Variants in PDZD2 observed in about 807,000 individuals in gnomAD.
The protein encoded by PDZD2 is PDZ domain containing 2.
PDZD2 carries 90 observed loss-of-function variants against 220.7 expected under a neutral mutation model. The observed-to-expected ratio is 0.41, with a 90% CI of 0.34 to 0.49. The LOEUF (loss-of-function observed/expected upper bound fraction) is 0.49, where lower values mean the gene tolerates loss of function less well. PDZD2 is among the 20% of genes least tolerant of loss of function. PDZD2 has a pLI of 0.28. For synonymous variants in PDZD2, 1,375 were observed against 1,450.5 expected, an observed-to-expected ratio of 0.95 and a Z score of 1.18; for missense variants, 3,174 against 3,608.5, an observed-to-expected ratio of 0.88 and a Z score of 3.08.
At chr5:31,915,106 G>GT (rs1743566051) in intron 2 of PDZD2, among the ~76,000 whole-genome samples, 1 of 152,172 alleles carries the variant, frequency 6.6e-6, no homozygotes, top group Admixed American at 6.5e-5. Flanking sequence ...TCTAAACAGA[G>GT]TATGTTGGGT....
At chr5:31,921,689 CA>C (rs576934083) in intron 2 of PDZD2, among the ~76,000 whole-genome samples, 10 of 150,492 alleles carry the variant, frequency 6.6e-5, no homozygotes, top group Admixed American at 1.3e-4. Context: ...GACCCCATCT[CA>C]AAAAAAAAAT....
At chr5:32,003,331 C>CCCACCCCACACA (rs764711883) in intron 5 of PDZD2, among the ~76,000 whole-genome samples, 5 of 69,710 alleles carry the variant, frequency 7.2e-5, no homozygotes, top group Admixed American at 2.0e-4. Context: ...ACACACACCC[C>CCCACCCCACACA]CACCACACCA....
At chr5:31,678,579 C>G (rs1364418670) in intron 1 of PDZD2, among the ~76,000 whole-genome samples, 1 of 152,094 alleles carries the variant, frequency 6.6e-6, no homozygotes, top group Non-Finnish European at 1.5e-5. Flanking sequence ...CATCACAGCA[C>G]CCCCTACAGC....
intron 2 of PDZD2, among the ~76,000 whole-genome samples, chr5:31,932,254 G>A (rs1398915376): frequency 6.6e-6 from 1 of 152,128 alleles, no homozygotes; most frequent in Admixed American, 6.5e-5. Flanking sequence ...ATGAGAAAAT[G>A]TAAAGAAAAC....
intron 2 of PDZD2, among the ~76,000 whole-genome samples, chr5:31,838,734 C>T (rs1757092427): frequency 6.6e-6 from 1 of 152,184 alleles, no homozygotes; most frequent in African/African-American, 2.4e-5. Flanking sequence ...ACTCTAAAAC[C>T]TCCCTGCCAC....
intron 2 of PDZD2, among the ~76,000 whole-genome samples, chr5:31,895,024 G>T (rs1038640228): frequency 1.3e-5 from 2 of 152,088 alleles, no homozygotes; most frequent in Admixed American, 6.6e-5. Flanking sequence ...CGAGTAGCTG[G>T]GATTACAGGC....
chr5:31,844,468 C>T (rs918127078), intron 2 of PDZD2, among the ~76,000 whole-genome samples: 6 of 152,130 alleles, frequency 3.9e-5, no homozygotes, highest in Admixed American at 2.6e-4. Flanking sequence ...CATATATTTA[C>T]GTATTACTGA....
At chr5:31,851,284 G>C (rs1010694629) in intron 2 of PDZD2, among the ~76,000 whole-genome samples, 5 of 152,154 alleles carry the variant, frequency 3.3e-5, no homozygotes, top group Non-Finnish European at 7.3e-5. Context: ...TATGGGGTAG[G>C]GAGAAGGGGG....
At chr5:32,063,254 AGGCT>A (rs2112352733) in intron 14 of PDZD2, among the ~76,000 whole-genome samples, 1 of 152,244 alleles carries the variant, frequency 6.6e-6, no homozygotes, top group African/African-American at 2.4e-5. Flanking sequence ...CATGTTGGCC[AGGCT>A]GGTCTCAAAC....
chr5:31,807,656 G>A (rs919787860), intron 2 of PDZD2, among the ~76,000 whole-genome samples: 2 of 152,220 alleles, frequency 1.3e-5, no homozygotes, highest in African/African-American at 4.8e-5. Context: ...CGAGTGGCGT[G>A]GCATGGGGAC....
At chr5:32,042,367 G>T (rs1409102424) in intron 7 of PDZD2, among the ~76,000 whole-genome samples, 1 of 149,070 alleles carries the variant, frequency 6.7e-6, no homozygotes, top group Non-Finnish European at 1.5e-5. Context: ...TTCGAGACGA[G>T]CCTGGTCAAC....
At chr5:31,759,590 C>A (rs545808926) in intron 1 of PDZD2, among the ~76,000 whole-genome samples, 5 of 148,288 alleles carry the variant, frequency 3.4e-5, no homozygotes, top group Non-Finnish European at 5.9e-5. Context: ...GGCTGGAGTG[C>A]AGTGGTGTGA....
intron 1 of PDZD2, among the ~76,000 whole-genome samples, chr5:31,703,689 C>T (rs1278438226): frequency 6.6e-6 from 1 of 152,128 alleles, no homozygotes; most frequent in East Asian, 1.9e-4. Context: ...TTTCTGCATG[C>T]TAGGACCTGG....
intron 2 of PDZD2, among the ~76,000 whole-genome samples, chr5:31,802,919 C>CAAAAAA (rs34901917): frequency 5.3e-5 from 3 of 56,184 alleles, no homozygotes; most frequent in Non-Finnish European, 9.8e-5. Flanking sequence ...GACTCTGTCT[C>CAAAAAA]AAAAAAAAAA....
intron 1 of PDZD2, among the ~76,000 whole-genome samples, chr5:31,788,596 G>A (rs1199762032): frequency 6.6e-6 from 1 of 152,188 alleles, no homozygotes; most frequent in Non-Finnish European, 1.5e-5. Flanking sequence ...AACCTGGGAG[G>A]CGGAGAGTGC....
chr5:31,806,373 G>T (rs546690063), intron 2 of PDZD2, among the ~76,000 whole-genome samples: 5 of 152,270 alleles, frequency 3.3e-5, no homozygotes, highest in Non-Finnish European at 7.4e-5. Flanking sequence ...CCCCAGACCC[G>T]CTTTAGAGCC....
Position 32,077,624 on chromosome 5 carries a change from T to G in PDZD2, c.3682+18T>G. 6.2e-7 allele frequency: 1 copy of G among 1,612,874 alleles called. No individual in the cohort carries two copies. On this transcript the variant is annotated intron_variant, in intron 19 of 24. Coordinates refer to ENST00000438447, the MANE Select transcript of PDZD2 (RefSeq NM_178140.4). Reference sequence around the variant, plus strand: ...CATGACTGGTAAGATTATTTTCCCATTTGTTAATCTTAAAGTAGGTGGGGA... The same window carrying G: ...CATGACTGGTAAGATTATTTTCCCAGTTGTTAATCTTAAAGTAGGTGGGGA...
chr5:31,818,948 T>G (rs553406164), intron 2 of PDZD2, among the ~76,000 whole-genome samples: 64 of 152,346 alleles, frequency 4.2e-4, no homozygotes, highest in Admixed American at 1.9e-3. Context: ...CAGACTGCCT[T>G]TGTTGATTCT....
intron 1 of PDZD2, among the ~76,000 whole-genome samples, chr5:31,720,255 A>C (rs572197239): frequency 4.3e-4 from 66 of 152,362 alleles, no homozygotes; most frequent in African/African-American, 1.6e-3. Context: ...TCTGCCTTAA[A>C]GATGTGCAGA....
Sources: allele counts gnomAD v4.1 joint callset (sites outside exome capture counted in the v4.1 genomes callset), GRCh38; gene constraint gnomAD v4.1.1; transcripts MANE v1.5; gene names NCBI Gene and HGNC (gene_info 2026-07-23, HGNC 2026-07-21).